The following NXN variants were observed in gnomAD, a reference collection of about 807,000 sequenced individuals.
NXN encodes the protein nucleoredoxin 1.
NXN carries 16 observed loss-of-function variants against 48.6 expected under a neutral mutation model. That is an observed-to-expected ratio of 0.33 (90% CI 0.22 to 0.50). NXN has a LOEUF of 0.50. Ranked by LOEUF, NXN falls within the 20% of genes least tolerant of loss-of-function variation. The pLI is 0.98. For synonymous variants in NXN, 281 were observed against 269.6 expected, an observed-to-expected ratio of 1.04 and a Z score of -0.41; for missense variants, 492 against 605.5, an observed-to-expected ratio of 0.81 and a Z score of 1.97.
chr17:958,649 T>C lies in NXN; in HGVS notation c.360+20670A>G, dbSNP rs1323974340. On this transcript the variant is annotated intron_variant, in intron 1 of 7. Coordinates refer to ENST00000336868, the MANE Select transcript of NXN (RefSeq NM_022463.5). This position sits in a 1 kb window ranked among gnomAD's most constrained non-coding sequence, Gnocchi z 6.9. ...AGCCAGGCGTGGTGGCGTGCGCCTG[T>C]AGTCCCAGCTACTCAGGAGGCTGAG... Among the ~76,000 whole-genome samples, 1 of 152,066 alleles carries C rather than the reference T, an allele frequency of 6.6e-6. No homozygotes were observed. The highest frequency in any genetic ancestry group is 1.9e-4 in the East Asian group (1 of 5,180).
In NXN at chr17:825,717, A is replaced by G. The variant is rs1913064650; in HGVS notation, c.478+244T>C. On this transcript the variant is annotated intron_variant, in intron 2 of 7. Transcript: ENST00000336868. This position sits in a 1 kb window ranked among gnomAD's most constrained non-coding sequence, Gnocchi z 4.1. Reference sequence around the variant, plus strand: ...CTCCAAGCGGAGCTTCTTACGGCAGAGTCCATCTCTTTTGGCCCATGAATT... The same window carrying G: ...CTCCAAGCGGAGCTTCTTACGGCAGGGTCCATCTCTTTTGGCCCATGAATT... 1 of 424,126 alleles carries G rather than the reference A, an allele frequency of 2.4e-6. No individual in the cohort carries two copies. The highest frequency in any genetic ancestry group is 2.1e-5 in the African/African-American group (1 of 48,356). 26.3% of individuals were successfully genotyped at this position (424,126 alleles called of 1,614,324 possible).
intron 1 of NXN, among the ~76,000 whole-genome samples, chr17:924,514 G>A (rs1249513843): frequency 1.3e-5 from 2 of 152,268 alleles, no homozygotes; most frequent in South Asian, 2.1e-4. Context: ...TAGGATTACA[G>A]GGATGAGCCA....
At chr17:806,940 A>ACACG (rs1555608163) in intron 5 of NXN, among the ~76,000 whole-genome samples, 9 of 146,880 alleles carry the variant, frequency 6.1e-5, no homozygotes, top group Non-Finnish European at 1.0e-4. Context: ...ACACACACAC[A>ACACG]CACACACGCA....
chr17:856,340 G>A (rs1189064604), intron 1 of NXN, among the ~76,000 whole-genome samples: 1 of 152,162 alleles, frequency 6.6e-6, no homozygotes, highest in Non-Finnish European at 1.5e-5. Flanking sequence ...AAACTCCACA[G>A]GAAAACTTGC....
At chr17:841,603 C>CCCT (rs149671291) in intron 1 of NXN, among the ~76,000 whole-genome samples, 3 of 22,466 alleles carry the variant, frequency 1.3e-4, no homozygotes, top group Admixed American at 5.8e-4. Flanking sequence ...CAGGTCCCCC[C>CCCT]GACCACAGAG....
At chr17:853,272 C>T (rs796797357) in intron 1 of NXN, among the ~76,000 whole-genome samples, 6 of 152,176 alleles carry the variant, frequency 3.9e-5, no homozygotes, top group African/African-American at 9.6e-5. Flanking sequence ...GGTGAAACCT[C>T]GTCTCTACCA....
In NXN at chr17:920,438, C is replaced by G. The variant is rs891283781; in HGVS notation, c.360+58881G>C. On this transcript the variant is annotated intron_variant, in intron 1 of 7. Transcript: ENST00000336868. This position sits in a 1 kb window ranked among gnomAD's most constrained non-coding sequence, Gnocchi z 4.6. Reference sequence around the variant, plus strand: ...CCAATGTAGCCTTGGGGATGCCGAGCCTGCCTGATCCCAATTCCTCCAGCG... The same window carrying G: ...CCAATGTAGCCTTGGGGATGCCGAGGCTGCCTGATCCCAATTCCTCCAGCG... Among the ~76,000 whole-genome samples, 2 of 152,024 alleles carry G rather than the reference C, an allele frequency of 1.3e-5. No individual in the cohort carries two copies. Among genetic ancestry groups the G allele is most frequent in the African/African-American group, 4.8e-5 (2 of 41,402 alleles).
intron 5 of NXN, among the ~76,000 whole-genome samples, chr17:815,404 C>T (rs35671307): frequency 6.6e-5 from 10 of 150,820 alleles, no homozygotes; most frequent in Non-Finnish European, 1.2e-4. Context: ...GACACCCATC[C>T]GTACGATGAG....
At chr17:829,583 C>T (rs1913339058) in intron 1 of NXN, among the ~76,000 whole-genome samples, 1 of 151,896 alleles carries the variant, frequency 6.6e-6, no homozygotes, top group Non-Finnish European at 1.5e-5. Context: ...TTAAGCCCCG[C>T]ATGCATTAGG....
In NXN at chr17:920,337, G is replaced by A. The variant is rs114192910; in HGVS notation, c.360+58982C>T. On this transcript the variant is annotated intron_variant, in intron 1 of 7. Transcript: ENST00000336868. This position sits in a 1 kb window ranked among gnomAD's most constrained non-coding sequence, Gnocchi z 4.6. ...TTGTTCAAATTCAGCCAAGGGGGCC[G>A]ATGAGGTGCCCATGTGGCTCTCCTC... Among the ~76,000 whole-genome samples the A allele has an allele frequency of 4.3e-3, 648 of 152,264 alleles. 3 individuals carry two copies. The highest frequency in any genetic ancestry group is 0.015 in the African/African-American group (609 of 41,550).
At position 805,161 on chromosome 17, in the gene NXN, G is replaced by A. The variant is rs763398102; in HGVS notation, c.907C>T (p.Arg303Trp). ...RVEVLNDEDC[R>W]EFPWHPKPVL... The stretch of plus-strand genomic sequence containing the variant: ...GGCTTGGGGTGCCAGGGGAACTCCC[G>A]GCAGTCCTCGTCGTTCAGCACCTCC... The change falls in exon 6 of 8, where the codon CGG (arginine) becomes TGG (tryptophan). Residue 303 changes from arginine to tryptophan, a missense_variant. Physicochemically the swap from Arg to Trp is moderately radical, Grantham distance 101. Around this residue, in one of 3 missense-constraint regions of NXN, gnomAD observed 303 missense variants for 388.3 expected, o/e 0.78. Transcript: ENST00000336868. 1.1e-5 allele frequency: 17 copies of A among 1,610,052 alleles called. No individual in the cohort carries two copies. The highest frequency in any genetic ancestry group is 5.0e-5 in the Admixed American group (3 of 59,704).
At chr17:821,934 C>T (rs968320321) in intron 4 of NXN, among the ~76,000 whole-genome samples, 2 of 151,828 alleles carry the variant, frequency 1.3e-5, no homozygotes, top group African/African-American at 4.8e-5. Context: ...TGGGACATCC[C>T]CCAGTATTTA....
intron 1 of NXN, among the ~76,000 whole-genome samples, chr17:971,492 T>C (rs888756174): frequency 6.7e-5 from 10 of 149,716 alleles, no homozygotes; most frequent in South Asian, 2.1e-4. Context: ...AGGTGGATCA[T>C]GAGGTCAGGA....
intron 1 of NXN, among the ~76,000 whole-genome samples, chr17:880,520 A>T (rs966249283): frequency 6.6e-6 from 1 of 152,202 alleles, no homozygotes; most frequent in African/African-American, 2.4e-5. Context: ...CCGGTCATTC[A>T]CATGTGGTCA....
chr17:832,582 G>A (rs1913544273), intron 1 of NXN, among the ~76,000 whole-genome samples: 1 of 152,080 alleles, frequency 6.6e-6, no homozygotes, highest in Non-Finnish European at 1.5e-5. Flanking sequence ...CCCAAACCTT[G>A]CCAGCTAAAG....
At chr17:968,437 G>T (rs1320322000) in intron 1 of NXN, among the ~76,000 whole-genome samples, 1 of 152,174 alleles carries the variant, frequency 6.6e-6, no homozygotes, top group East Asian at 1.9e-4. Context: ...GCCCGGCGTG[G>T]TGGTGCACAC....
chr17:872,238 CGGAG>C (rs1290265210), intron 1 of NXN, among the ~76,000 whole-genome samples: 1 of 139,988 alleles, frequency 7.1e-6, no homozygotes, highest in African/African-American at 2.7e-5. Flanking sequence ...GAGAGAGAGA[CGGAG>C]GGAGGGAGGG....
intron 1 of NXN, chr17:959,201 G>T: frequency 9.7e-7 from 1 of 1,035,026 alleles, no homozygotes; most frequent in South Asian, 2.2e-5. Context: ...AGTTCAGCCA[G>T]TACGTGTGTC....
At chr17:862,594 G>A (rs866052239) in intron 1 of NXN, among the ~76,000 whole-genome samples, 1 of 152,238 alleles carries the variant, frequency 6.6e-6, no homozygotes, top group East Asian at 1.9e-4. Context: ...TGGGTAACAA[G>A]TTACTGGGAG....
Sources: allele counts gnomAD v4.1 joint callset (sites outside exome capture counted in the v4.1 genomes callset), GRCh38; gene constraint gnomAD v4.1.1; regional missense constraint gnomAD v4.1.1; non-coding constraint Gnocchi (gnomAD v3.1); transcripts MANE v1.5; gene names NCBI Gene and HGNC (gene_info 2026-07-23, HGNC 2026-07-21).